Variants in ADCY5 observed in about 807,000 individuals in gnomAD.
ADCY5 encodes adenylate cyclase type 5.
ADCY5 carries 30 observed loss-of-function variants against 119.7 expected under a neutral mutation model. The ratio of observed to expected loss-of-function variants is 0.25; its 90% CI spans 0.19 to 0.34. ADCY5 has a LOEUF of 0.34. Among genes scored for constraint, ADCY5 ranks in the 10% least tolerant of loss-of-function variants. The pLI, the probability that ADCY5 is intolerant of heterozygous loss-of-function variation, is 1.00. For synonymous variants in ADCY5, 753 were observed against 762.2 expected (o/e 0.99, Z 0.20); for missense variants, 1,324 against 1,775.2 (o/e 0.75, Z 4.57).
At chr3:123,311,958 A>T (rs1459083135) in intron 12 of ADCY5, among the ~76,000 whole-genome samples, 1 of 152,200 alleles carries the variant, frequency 6.6e-6, no homozygotes, top group African/African-American at 2.4e-5. Context: ...ATAACAAAAT[A>T]GGCAAATTCA....
intron 1 of ADCY5, among the ~76,000 whole-genome samples, chr3:123,369,188 G>A (rs942876517): frequency 9.9e-5 from 15 of 152,150 alleles, no homozygotes; most frequent in Admixed American, 6.6e-5. Context: ...CTGAGCTAAC[G>A]TGCACACATA....
intron 1 of ADCY5, among the ~76,000 whole-genome samples, chr3:123,415,304 G>A (rs1468166330): frequency 6.6e-6 from 1 of 152,216 alleles, no homozygotes; most frequent in African/African-American, 2.4e-5. Context: ...CCCGGACAGA[G>A]GGTTATCCAG....
At chr3:123,382,506 G>A (rs1559850868) in intron 1 of ADCY5, among the ~76,000 whole-genome samples, 1 of 152,196 alleles carries the variant, frequency 6.6e-6, no homozygotes, top group Non-Finnish European at 1.5e-5. Context: ...ACAGCCAAAA[G>A]ATGGAAACTA....
chr3:123,448,377 G>A lies in ADCY5; in HGVS notation c.169C>T (p.Pro57Ser), dbSNP rs1199435756. 1 of 1,478,542 alleles carries A rather than the reference G, an allele frequency of 6.8e-7. No homozygotes were observed. Among genetic ancestry groups the A allele is most frequent in the Non-Finnish European group, 8.9e-7 (1 of 1,125,150 alleles). 91.6% of individuals were successfully genotyped at this position (1,478,542 alleles called of 1,614,324 possible). A position where few individuals can be genotyped will look rare whatever the true frequency, so the allele number is the denominator to read the frequency against. ...TGCTGCGGGGTCACCGCCCCCCCGG[G>A]TTTCTTGGTGGAGCCGCGGGCAGAG... The part of the protein sequence containing the change: ...GGSARGSTKK[P>S]GGAVTPQQQQ... Residue 57 changes from proline to serine, a missense_variant, in exon 1 of 21, where the codon CCC becomes TCC. Coordinates refer to ENST00000462833, the MANE Select transcript of ADCY5 (RefSeq NM_183357.3).
chr3:123,448,039 C>T lies in ADCY5; in HGVS notation c.507G>A (p.Ala169=). 4.8e-6 allele frequency: 6 copies of T among 1,246,700 alleles called. No individual in the cohort carries two copies. The highest frequency in any genetic ancestry group is 6.2e-4 in the Middle Eastern group (2 of 3,214). 77.2% of individuals were successfully genotyped at this position (1,246,700 alleles called of 1,614,324 possible). A position where few individuals can be genotyped will look rare whatever the true frequency, so the allele number is the denominator to read the frequency against. Residue 169 remains alanine (A), a synonymous_variant, in exon 1 of 21, where the codon GCG becomes GCA. Coordinates refer to ENST00000462833, the MANE Select transcript of ADCY5 (RefSeq NM_183357.3). ...CGGCGCCGGCCTCCAGCTCGTCGGC[C>T]GCGCGCCCCTTGCCCCGCCGCTCCT... ...GLEERRGKGR[A]ADELEAGAVE... is the part of the protein sequence containing the mutation.
chr3:123,424,655 C>A (rs1945365720), intron 1 of ADCY5, among the ~76,000 whole-genome samples: 1 of 152,158 alleles, frequency 6.6e-6, no homozygotes, highest in Non-Finnish European at 1.5e-5. Context: ...CCAGCCTTAC[C>A]CAGAATGACC....
At chr3:123,400,367 G>A (rs1176664733) in intron 1 of ADCY5, among the ~76,000 whole-genome samples, 1 of 152,136 alleles carries the variant, frequency 6.6e-6, no homozygotes, top group Non-Finnish European at 1.5e-5. Flanking sequence ...ACAGCAATTT[G>A]GCAATATGTG....
At chr3:123,307,391 G>T (rs180716254) in intron 12 of ADCY5, among the ~76,000 whole-genome samples, 1 of 152,174 alleles carries the variant, frequency 6.6e-6, no homozygotes, top group Non-Finnish European at 1.5e-5. Context: ...TGGCTATCAA[G>T]ACTTAGTAAA....
At chr3:123,379,725 G>C (rs533583173) in intron 1 of ADCY5, among the ~76,000 whole-genome samples, 1 of 152,186 alleles carries the variant, frequency 6.6e-6, no homozygotes, top group East Asian at 1.9e-4. Flanking sequence ...GCTCAGAGAC[G>C]GGACTTCAGA....
At chr3:123,330,777 G>A in intron 5 of ADCY5, 112 bp downstream of exon 5, 1 of 1,408,952 alleles carries the variant, frequency 7.1e-7, no homozygotes, top group Admixed American at 2.4e-5. Context: ...TTGGCAGACA[G>A]TTTCACCCCA....
chr3:123,417,997 G>T (rs1394194553), intron 1 of ADCY5, among the ~76,000 whole-genome samples: 1 of 152,196 alleles, frequency 6.6e-6, no homozygotes, highest in Non-Finnish European at 1.5e-5. Context: ...CAAGGAAACT[G>T]CCATTCACAG....
intron 1 of ADCY5, among the ~76,000 whole-genome samples, chr3:123,440,286 G>C (rs375931260): frequency 2.6e-5 from 4 of 152,310 alleles, no homozygotes; most frequent in East Asian, 3.9e-4. Context: ...GAAGGCAGAG[G>C]GGACCATGAA....
intron 20 of ADCY5, among the ~76,000 whole-genome samples, chr3:123,285,183 C>CT (rs1938657347): frequency 6.6e-6 from 1 of 152,176 alleles, no homozygotes; most frequent in South Asian, 2.1e-4. Context: ...TTAAAAGCTG[C>CT]TTTTTTCACC....
At chr3:123,375,324 GT>G (rs1943787409) in intron 1 of ADCY5, among the ~76,000 whole-genome samples, 1 of 152,232 alleles carries the variant, frequency 6.6e-6, no homozygotes, top group Admixed American at 6.5e-5. Flanking sequence ...TTTTTCCTCA[GT>G]GGACGACAAA....
chr3:123,361,935 A>G (rs946529935), intron 1 of ADCY5, among the ~76,000 whole-genome samples: 2 of 152,210 alleles, frequency 1.3e-5, no homozygotes, highest in African/African-American at 4.8e-5. Context: ...AAAATGTTTC[A>G]GATTTTAGAG....
intron 1 of ADCY5, among the ~76,000 whole-genome samples, chr3:123,380,895 G>A (rs1019903726): frequency 9.2e-5 from 14 of 152,192 alleles, no homozygotes; most frequent in South Asian, 2.1e-4. Flanking sequence ...AGGAACTGAC[G>A]CTTATCAGGG....
chr3:123,444,861 T>A (rs1576701773), intron 1 of ADCY5, among the ~76,000 whole-genome samples: 1 of 152,282 alleles, frequency 6.6e-6, no homozygotes, highest in East Asian at 1.9e-4. Context: ...TCCCTGGACA[T>A]GTGTCTCAAC....
rs1360788711 is a variant in ADCY5 at position 123,428,502 on chromosome 3, CT to C, written c.1134+18909del. ...GCGTCCTCCAAAGCCTCCTCTAGCC[CT>C]GTCCTCTGAGAATCACCAGGCATAG... On this transcript the variant is annotated intron_variant, in intron 1 of 20. Transcript: ENST00000462833. 7.9e-5 allele frequency among the ~76,000 whole-genome samples: 12 copies of C among 152,316 alleles called. No homozygotes were observed. The East Asian group carries it at 2.3e-3, about 29-fold the overall frequency.
At chr3:123,398,492 G>A (rs146002213) in intron 1 of ADCY5, among the ~76,000 whole-genome samples, 54 of 152,222 alleles carry the variant, frequency 3.5e-4, no homozygotes, top group African/African-American at 9.9e-4. Flanking sequence ...GCCCCTTGTC[G>A]CCTCCAAACC....
Sources: gnomAD v4.1 joint callset for allele counts (sites outside exome capture counted in the v4.1 genomes callset) on GRCh38, gnomAD v4.1.1 for gene constraint, MANE v1.5 for transcripts, NCBI Gene and HGNC (gene_info 2026-07-23, HGNC 2026-07-21) for gene names.